The following AGBL1 variants were observed in gnomAD, a reference collection of about 807,000 sequenced individuals.
The protein encoded by AGBL1 is AGBL carboxypeptidase 1.
AGBL1 carries 130 observed loss-of-function variants against 118.9 expected under a neutral mutation model. That is an observed-to-expected ratio of 1.09 (90% CI 0.95 to 1.26). The LOEUF is 1.26. Among genes scored for constraint, AGBL1 ranks in the 50% most tolerant of loss-of-function variants. The pLI is 0.00. For synonymous variants in AGBL1, 555 were observed against 478.9 expected, an observed-to-expected ratio of 1.16 and a Z score of -2.08; for missense variants, 1,584 against 1,298.1, an observed-to-expected ratio of 1.22 and a Z score of -3.38.
intron 18 of AGBL1, among the ~76,000 whole-genome samples, chr15:86,505,600 A>G (rs2082966813): frequency 6.6e-6 from 1 of 152,000 alleles, no homozygotes; most frequent in Non-Finnish European, 1.5e-5. Context: ...TCCAGAAATT[A>G]TATTTGATTA....
At chr15:87,029,275 C>T (rs11637457), downstream of AGBL1, among the ~76,000 whole-genome samples, 15,823 of 151,708 alleles carry the variant, frequency 0.1, 985 homozygotes, top group East Asian at 0.15. Context: ...ATCAGGGGCT[C>T]AATATCCTTT....
At chr15:86,582,700 T>C (rs1407738370) in intron 21 of AGBL1, among the ~76,000 whole-genome samples, 1 of 152,166 alleles carries the variant, frequency 6.6e-6, no homozygotes, top group African/African-American at 2.4e-5. Flanking sequence ...GATGAGTTCA[T>C]GTCCTTTGTA....
At chr15:86,396,038 C>G (rs1384265621) in intron 17 of AGBL1, among the ~76,000 whole-genome samples, 1 of 151,362 alleles carries the variant, frequency 6.6e-6, no homozygotes, top group Non-Finnish European at 1.5e-5. Flanking sequence ...GTCCTCCAGA[C>G]TCATCCATGT....
intron 13 of AGBL1, among the ~76,000 whole-genome samples, chr15:86,267,345 A>T (rs1296329843): frequency 6.6e-6 from 1 of 152,210 alleles, no homozygotes; most frequent in Admixed American, 6.5e-5. Context: ...ATTCAGTAGA[A>T]GTGAACTGTT....
chr15:86,689,462 G>A (rs2086123366), intron 22 of AGBL1, among the ~76,000 whole-genome samples: 1 of 152,084 alleles, frequency 6.6e-6, no homozygotes, highest in Admixed American at 6.6e-5. Context: ...TGATGCATAG[G>A]AAGTAATCAA....
intron 23 of AGBL1, chr15:86,939,524 T>A (rs191174977): frequency 3.8e-4 from 58 of 152,386 alleles, no homozygotes; most frequent in African/African-American, 1.3e-3. Context: ...AGCCTGCAGA[T>A]AGCCTATTGT....
At chr15:86,702,899 A>G (rs1034739963) in intron 22 of AGBL1, among the ~76,000 whole-genome samples, 2 of 152,094 alleles carry the variant, frequency 1.3e-5, no homozygotes, top group African/African-American at 2.4e-5. Flanking sequence ...GCTTAAAAAA[A>G]TCTTTCAAGG....
chr15:86,766,800 AG>A (rs2078102926), intron 22 of AGBL1, among the ~76,000 whole-genome samples: 1 of 151,906 alleles, frequency 6.6e-6, no homozygotes, highest in African/African-American at 2.4e-5. Flanking sequence ...TGAAGGAAAC[AG>A]GGAAACAAGA....
Position 86,247,993 on chromosome 15 carries a change from T to A in AGBL1, c.735+114T>A, listed in dbSNP as rs997426824. ...GGGAACGCCTCAGTCTATTTCTTGTTGCCTGCTAAGGGCGGATGTTCTGGA... is the reference window on the plus strand; with the variant it reads ...GGGAACGCCTCAGTCTATTTCTTGTAGCCTGCTAAGGGCGGATGTTCTGGA... On this transcript the variant is annotated intron_variant, in intron 7 of 22. Transcript: ENST00000614907. 9 of 1,343,480 alleles carry A rather than the reference T, an allele frequency of 6.7e-6. No individual in the cohort carries two copies. The East Asian group carries it at 1.6e-4, about 24-fold the overall frequency. 83.2% of individuals were successfully genotyped at this position (1,343,480 alleles called of 1,614,324 possible). A position where few individuals can be genotyped will look rare whatever the true frequency, so the allele number is the denominator to read the frequency against.
chr15:86,582,943 A>G (rs1011876241), intron 21 of AGBL1, among the ~76,000 whole-genome samples: 1 of 152,032 alleles, frequency 6.6e-6, no homozygotes. Flanking sequence ...GCACACCAAC[A>G]TGGCACATGT....
At chr15:86,207,670 G>T (rs1191006443) in intron 5 of AGBL1, among the ~76,000 whole-genome samples, 1 of 152,200 alleles carries the variant, frequency 6.6e-6, no homozygotes, top group Non-Finnish European at 1.5e-5. Context: ...TTTGTTTCCT[G>T]AGACTTTGCT....
At chr15:86,732,779 T>C (rs1188301406) in intron 22 of AGBL1, among the ~76,000 whole-genome samples, 1 of 151,908 alleles carries the variant, frequency 6.6e-6, no homozygotes, top group East Asian at 1.9e-4. Flanking sequence ...TATCTTAAAA[T>C]AGGAATAATG....
intron 24 of AGBL1, among the ~76,000 whole-genome samples, chr15:87,024,837 A>T (rs952601950): frequency 1.3e-5 from 2 of 152,132 alleles, no homozygotes; most frequent in Non-Finnish European, 1.5e-5. Flanking sequence ...TAGGCAAGTC[A>T]ATAAATGTGA....
Position 86,262,833 on chromosome 15 carries a change from G to A in AGBL1, c.1025G>A (p.Arg342Gln), listed in dbSNP as rs951955069. 11 of 1,611,146 alleles carry A rather than the reference G, an allele frequency of 6.8e-6. No individual in the cohort carries two copies. The highest frequency in any genetic ancestry group is 6.7e-5 in the Admixed American group (4 of 59,704). ...CTGAGTTCCAAACCTGGTCTTGACC[G>A]ACCTGAAGAGGAACTGATGCAATAT... ...NKLSSKPGLDRPEEELMQYEV... is the reference protein window; with the variant it reads ...NKLSSKPGLDQPEEELMQYEV... Residue 342 changes from arginine to glutamine, a missense_variant, in exon 10 of 23, where the codon CGA becomes CAA. By Grantham distance (43) the Arg-to-Gln change is conservative (BLOSUM62 1). Coordinates refer to ENST00000614907, the MANE Select transcript of AGBL1 (RefSeq NM_001386094.1).
chr15:86,755,476 C>A (rs1404476022), intron 22 of AGBL1, among the ~76,000 whole-genome samples: 2 of 152,084 alleles, frequency 1.3e-5, no homozygotes, highest in African/African-American at 4.8e-5. Context: ...TGCCCATCTT[C>A]TTCAAGGAGC....
At chr15:86,420,872 C>A (rs539918366) in intron 18 of AGBL1, among the ~76,000 whole-genome samples, 5 of 152,000 alleles carry the variant, frequency 3.3e-5, no homozygotes, top group Non-Finnish European at 7.4e-5. Flanking sequence ...GTTTGAAGAT[C>A]AACTTAATGA....
At chr15:86,130,686 C>A (rs1035291622) in intron 1 of AGBL1, among the ~76,000 whole-genome samples, 3 of 152,092 alleles carry the variant, frequency 2.0e-5, no homozygotes, top group Non-Finnish European at 2.9e-5. Flanking sequence ...GTCATGCATT[C>A]CAAATTCAGT....
intron 1 of AGBL1, among the ~76,000 whole-genome samples, chr15:86,091,981 T>C (rs952884169): frequency 1.2e-4 from 18 of 152,190 alleles, no homozygotes; most frequent in African/African-American, 4.3e-4. Flanking sequence ...GGTATATCTC[T>C]CTTCTCCAAA....
chr15:86,342,026 T>C (rs1309369248), intron 17 of AGBL1, among the ~76,000 whole-genome samples: 1 of 152,200 alleles, frequency 6.6e-6, no homozygotes, highest in African/African-American at 2.4e-5. Context: ...TGAAAAGCAG[T>C]GGGCTAGTGT....
Sources: gnomAD v4.1 joint callset for allele counts (sites outside exome capture counted in the v4.1 genomes callset) on GRCh38, gnomAD v4.1.1 for gene constraint, MANE v1.5 for transcripts, NCBI Gene and HGNC (gene_info 2026-07-23, HGNC 2026-07-21) for gene names.